PRKCA: variants seen among roughly 807,000 people sequenced by gnomAD.
PRKCA encodes protein kinase C alpha type.
In PRKCA, 27 loss-of-function variants were observed where a neutral mutation model predicts 87.0. The ratio of observed to expected loss-of-function variants is 0.31; its 90% CI spans 0.23 to 0.43. The LOEUF (loss-of-function observed/expected upper bound fraction) is 0.43. PRKCA is among the 20% of genes least tolerant of loss of function. The pLI, the probability that PRKCA is intolerant of heterozygous loss-of-function variation, is 1.00. For synonymous variants in PRKCA, 329 were observed against 311.1 expected, an observed-to-expected ratio of 1.06 and a Z score of -0.61; for missense variants, 518 against 852.3, an observed-to-expected ratio of 0.61 and a Z score of 4.88.
Position 66,302,821 on chromosome 17 carries a change from C to G in PRKCA, c.-31C>G, listed in dbSNP as rs1013045925. 1.8e-5 allele frequency: 27 copies of G among 1,505,362 alleles called. No individual in the cohort carries two copies. Among genetic ancestry groups the G allele is most frequent in the Non-Finnish European group, 2.0e-5 (23 of 1,123,600 alleles). 93.3% of individuals were successfully genotyped at this position (1,505,362 alleles called of 1,614,324 possible). A position where few individuals can be genotyped will look rare whatever the true frequency, so the allele number is the denominator to read the frequency against. On this transcript the variant is annotated 5_prime_UTR_variant, in exon 1 of 17. Coordinates refer to ENST00000413366, the MANE Select transcript of PRKCA (RefSeq NM_002737.3). ...CCGGCCCTCCGCGGCCGCAGCTCCCCGGCGGAGGCAAGAGGTGGTTGGGGG... is the reference window on the plus strand; with the variant it reads ...CCGGCCCTCCGCGGCCGCAGCTCCCGGGCGGAGGCAAGAGGTGGTTGGGGG...
intron 3 of PRKCA, among the ~76,000 whole-genome samples, chr17:66,627,163 C>T (rs1045099898): frequency 2.0e-5 from 3 of 152,136 alleles, no homozygotes; most frequent in Admixed American, 2.0e-4. Flanking sequence ...TAAAAAACAA[C>T]CCAGAAAGGT....
chr17:66,586,464 A>G (rs1471365965), intron 3 of PRKCA, among the ~76,000 whole-genome samples: 1 of 152,222 alleles, frequency 6.6e-6, no homozygotes, highest in Non-Finnish European at 1.5e-5. Context: ...TGGCCACTGC[A>G]AAAGACACAG....
intron 3 of PRKCA, among the ~76,000 whole-genome samples, chr17:66,574,532 A>G (rs1368655184): frequency 6.6e-6 from 1 of 152,198 alleles, no homozygotes. Flanking sequence ...GATACATTCC[A>G]GGGACCCCCG....
At chr17:66,345,945 G>A (rs1304799009) in intron 2 of PRKCA, among the ~76,000 whole-genome samples, 1 of 152,148 alleles carries the variant, frequency 6.6e-6, no homozygotes, top group Non-Finnish European at 1.5e-5. Context: ...GAATACCTAA[G>A]TAGATGATGG....
intron 2 of PRKCA, among the ~76,000 whole-genome samples, chr17:66,491,738 C>T (rs1316160507): frequency 6.6e-6 from 1 of 151,924 alleles, no homozygotes; most frequent in Non-Finnish European, 1.5e-5. Context: ...CCTCTTTCAA[C>T]AATGCTAGCA....
intron 2 of PRKCA, among the ~76,000 whole-genome samples, chr17:66,321,087 A>G (rs751644246): frequency 2.6e-5 from 4 of 152,234 alleles, no homozygotes; most frequent in African/African-American, 7.2e-5. Flanking sequence ...CACACAAAAT[A>G]TACAAAATAA....
intron 3 of PRKCA, among the ~76,000 whole-genome samples, chr17:66,562,044 T>G (rs1266282655): frequency 7.9e-6 from 1 of 127,374 alleles, no homozygotes; most frequent in African/African-American, 2.8e-5. Context: ...GTCAATTTAA[T>G]TATATATATA....
intron 3 of PRKCA, among the ~76,000 whole-genome samples, chr17:66,608,730 A>T (rs969124262): frequency 8.5e-5 from 13 of 152,206 alleles, no homozygotes; most frequent in African/African-American, 3.1e-4. Context: ...GTCTCCAGGA[A>T]GGTTGGGAAG....
At chr17:66,741,859 C>A in intron 12 of PRKCA, 138 bp downstream of exon 12, 1 of 752,626 alleles carries the variant, frequency 1.3e-6, no homozygotes, top group Non-Finnish European at 2.1e-6. Context: ...TGGGACCCAC[C>A]TTCCTCCTCA....
At chr17:66,769,349 C>CT (rs1468773971) in intron 13 of PRKCA, among the ~76,000 whole-genome samples, 6 of 141,946 alleles carry the variant, frequency 4.2e-5, no homozygotes, top group Non-Finnish European at 9.1e-5. Context: ...GAGCAAGACA[C>CT]TGTCTCAAAA....
chr17:66,804,156 GA>G lies in PRKCA; in HGVS notation c.*123del, dbSNP rs1165665205. 3 of 1,359,600 alleles carry G rather than the reference GA, an allele frequency of 2.2e-6. No individual in the cohort carries two copies. In the African/African-American group the frequency reaches 4.4e-5, roughly 20 times the overall value. The allele number at this position is 1,359,600 out of a possible 1,614,324, so 84.2% of individuals were successfully genotyped here. ...TGTGTCTGATTCCATATGGAGGCCT[GA>G]AAATTGTAGGGTTATTAGTCCAAAT... On this transcript the variant is annotated 3_prime_UTR_variant, in exon 17 of 17. Transcript: ENST00000413366.
At chr17:66,793,077 C>T (rs979304915) in intron 16 of PRKCA, among the ~76,000 whole-genome samples, 1 of 152,232 alleles carries the variant, frequency 6.6e-6, no homozygotes, top group African/African-American at 2.4e-5. Flanking sequence ...GAGCCCTGGA[C>T]ACAGGCAGCC....
At chr17:66,653,090 T>A (rs1971635562) in intron 5 of PRKCA, among the ~76,000 whole-genome samples, 1 of 152,182 alleles carries the variant, frequency 6.6e-6, no homozygotes, top group African/African-American at 2.4e-5. Flanking sequence ...TGCATGGGAC[T>A]TGCCATGACA....
chr17:66,336,754 TTGTGTG>T (rs148842588), intron 2 of PRKCA, among the ~76,000 whole-genome samples: 6,883 of 133,634 alleles, frequency 0.052, 175 homozygotes, highest in Admixed American at 0.078. Flanking sequence ...GCAAATAAGT[TTGTGTG>T]TGTGTGTGTG....
At chr17:66,524,947 C>T (rs923593843) in intron 3 of PRKCA, among the ~76,000 whole-genome samples, 1 of 152,210 alleles carries the variant, frequency 6.6e-6, no homozygotes, top group Non-Finnish European at 1.5e-5. Flanking sequence ...CACAGATCCT[C>T]CCATCCTGGT....
At position 66,804,959 on chromosome 17, in the gene PRKCA, C is replaced by T; in HGVS notation, c.*922C>T. On this transcript the variant is annotated 3_prime_UTR_variant, in exon 17 of 17. Transcript: ENST00000413366. Reference sequence around the variant, plus strand: ...TTGCTGCCTACCTTGTTATCCTTCTCAAGAAGCTGAAGTGTACGCCCTCTC... The same window carrying T: ...TTGCTGCCTACCTTGTTATCCTTCTTAAGAAGCTGAAGTGTACGCCCTCTC... 2.0e-6 allele frequency: 2 copies of T among 982,610 alleles called. No homozygotes were observed. The highest frequency in any genetic ancestry group is 2.4e-6 in the Non-Finnish European group (2 of 827,106). The allele number at this position is 982,610 out of a possible 1,614,324, so 60.9% of individuals were successfully genotyped here.
chr17:66,420,002 CTTTTT>C (rs558522698), intron 2 of PRKCA, among the ~76,000 whole-genome samples: 1 of 113,716 alleles, frequency 8.8e-6, no homozygotes, highest in Admixed American at 8.9e-5. Flanking sequence ...GGGTTGTGTT[CTTTTT>C]TTTTTTTTTT....
chr17:66,433,322 C>CT (rs1742358364), intron 2 of PRKCA, among the ~76,000 whole-genome samples: 1 of 152,102 alleles, frequency 6.6e-6, no homozygotes, highest in Admixed American at 6.5e-5. Context: ...CTGGAGGCAT[C>CT]TTCTAATGAA....
intron 3 of PRKCA, among the ~76,000 whole-genome samples, chr17:66,587,863 A>ATTGTGTGTGTG (rs1567917216): frequency 1.7e-5 from 1 of 57,260 alleles, no homozygotes; most frequent in African/African-American, 6.3e-5. Flanking sequence ...ACATATATAC[A>ATTGTGTGTGTG]TATGTATGTG....
Sources: allele counts gnomAD v4.1 joint callset (sites outside exome capture counted in the v4.1 genomes callset), GRCh38; gene constraint gnomAD v4.1.1; transcripts MANE v1.5; gene names NCBI Gene and HGNC (gene_info 2026-07-23, HGNC 2026-07-21).